PTGS1: variants seen among roughly 807,000 people sequenced by gnomAD.
The protein encoded by PTGS1 is prostaglandin G/H synthase 1.
Under a neutral mutation model 63.0 loss-of-function variants are expected in PTGS1, and 40 were observed. The observed-to-expected ratio is 0.63, with a 90% confidence interval of 0.49 to 0.83. The LOEUF is 0.83. PTGS1 is among the 40% of genes least tolerant of loss of function. PTGS1 has a pLI of 0.00. For missense variants in PTGS1, 709 were observed against 786.5 expected (o/e 0.90, Z 1.18); for synonymous variants, 298 against 301.9 (o/e 0.99, Z 0.13).
At position 122,381,466 on chromosome 9, in the gene PTGS1, G is replaced by A. The variant is rs764562846; in HGVS notation, c.592G>A (p.Ala198Thr). The A allele has an allele frequency of 5.0e-6, 8 of 1,614,186 alleles. No individual in the cohort carries two copies. In the Admixed American group the frequency reaches 5.0e-5, roughly 10 times the overall value. ...CCCCCAAGGCACCAACCTCATGTTTGCCTTCTTTGCACAACACTTCACCCA... is the reference window on the plus strand; with the variant it reads ...CCCCCAAGGCACCAACCTCATGTTTACCTTCTTTGCACAACACTTCACCCA... ...PDPQGTNLMF[A>T]FFAQHFTHQF... The change falls in exon 6 of 11, where the codon GCC becomes ACC. Residue 198 changes from alanine to threonine, a missense_variant. Physicochemically the swap from Ala to Thr is moderately conservative, Grantham distance 58. Coordinates refer to ENST00000362012, the MANE Select transcript of PTGS1 (RefSeq NM_000962.4).
At chr9:122,386,389 C>G (rs1159508697) in intron 8 of PTGS1, 57 bp from the exon 9 acceptor site, 2 of 1,572,730 alleles carry the variant, frequency 1.3e-6, no homozygotes, top group Non-Finnish European at 1.7e-6. Context: ...GCTTTCCAAG[C>G]TGGGCATCTA....
In PTGS1 at chr9:122,390,360, C is replaced by T; in HGVS notation, c.1444+15C>T. On this transcript the variant is annotated intron_variant, in intron 10 of 10. Transcript: ENST00000362012. The stretch of plus-strand genomic sequence containing the variant: ...GGAGCTCGTAGGTGAGCAGCTGTTT[C>T]CTGGATGCAGTCCCTGCCCTTGAGG... 1 of 1,613,160 alleles carries T rather than the reference C, an allele frequency of 6.2e-7. No individual in the cohort carries two copies. The highest frequency in any genetic ancestry group is 1.1e-5 in the South Asian group (1 of 90,834).
At chr9:122,371,596 C>T (rs780515108) in intron 2 of PTGS1, 14 of 1,430,516 alleles carry the variant, frequency 9.8e-6, no homozygotes, top group Non-Finnish European at 1.3e-5. Flanking sequence ...ACCCAACAAC[C>T]CCGCTGTTTC....
At chr9:122,381,326 G>C in intron 5 of PTGS1, 45 bp from the exon 6 acceptor site, 3 of 1,591,124 alleles carry the variant, frequency 1.9e-6, no homozygotes, top group Non-Finnish European at 1.7e-6. Context: ...AGGGCAGCAA[G>C]ATCCAGATAG....
intron 10 of PTGS1, 77 bp from the exon 11 acceptor site, chr9:122,392,112 C>T: frequency 7.5e-7 from 1 of 1,326,232 alleles, no homozygotes; most frequent in African/African-American, 1.5e-5. Context: ...AAAGGTGGAC[C>T]TGGAAGGGTC....
At chr9:122,370,906 A>G (rs1318330804), upstream of PTGS1, 2 of 1,036,602 alleles carry the variant, frequency 1.9e-6, no homozygotes, top group Non-Finnish European at 2.7e-6. Context: ...TAATTAATAA[A>G]ATGCCTTGGC....
chr9:122,384,921 C>T (rs1464588480), intron 8 of PTGS1, among the ~76,000 whole-genome samples: 1 of 152,204 alleles, frequency 6.6e-6, no homozygotes, highest in East Asian at 1.9e-4. Context: ...TCATTGTCTA[C>T]TTCTCTCAAC....
chr9:122,371,543 C>T, intron 2 of PTGS1: 1 of 1,387,816 alleles, frequency 7.2e-7, no homozygotes, highest in Non-Finnish European at 9.4e-7. Context: ...CCTATCCATC[C>T]CCCTCACCTG....
At chr9:122,391,043 T>C (rs1284216216) in intron 10 of PTGS1, among the ~76,000 whole-genome samples, 1 of 151,626 alleles carries the variant, frequency 6.6e-6, no homozygotes, top group Non-Finnish European at 1.5e-5. Flanking sequence ...TTGGTTTTCA[T>C]ACTAAATATT....
intron 6 of PTGS1, 35 bp from the exon 7 acceptor site, chr9:122,381,629 C>T (rs1308866463): frequency 1.9e-6 from 3 of 1,613,186 alleles, no homozygotes; most frequent in South Asian, 1.1e-5. Flanking sequence ...GGGCCGGCAC[C>T]CTGGTGACCT....
intron 7 of PTGS1, among the ~76,000 whole-genome samples, chr9:122,382,764 T>C (rs1450368932): frequency 2.6e-5 from 4 of 152,160 alleles, no homozygotes; most frequent in Non-Finnish European, 5.9e-5. Flanking sequence ...TTGGCATGTA[T>C]TTACTGAATG....
In PTGS1 at chr9:122,371,655, T is replaced by G. The variant is rs542008972; in HGVS notation, c.94+383T>G. ...AGCCGCAGGCACCAAGGGAAATGAG[T>G]TCCCTTTCTCCAGCCTCTAACCGTC... On this transcript the variant is annotated intron_variant, in intron 2 of 10. Coordinates refer to ENST00000362012, the MANE Select transcript of PTGS1 (RefSeq NM_000962.4). The G allele has an allele frequency of 7.2e-5, 104 of 1,436,804 alleles. 2 individuals carry two copies. The South Asian group carries it at 1.4e-3, about 20-fold the overall frequency. The allele number at this position is 1,436,804 out of a possible 1,614,324, so 89.0% of individuals were successfully genotyped here.
rs1339594516 is a variant in PTGS1, at chr9:122,392,674, A to G, written c.*130A>G. On this transcript the variant is annotated 3_prime_UTR_variant, in exon 11 of 11. Transcript: ENST00000362012. ...GGTGAGTGTTGGGGTTGACATTTAG[A>G]ACTTTAAGTCTCACCCATTATCTGG... The G allele has an allele frequency of 1.3e-6, 1 of 741,402 alleles. No homozygotes were observed. Among genetic ancestry groups the G allele is most frequent in the Admixed American group, 2.9e-5 (1 of 34,300 alleles). 45.9% of individuals were successfully genotyped at this position (741,402 alleles called of 1,614,324 possible).
In PTGS1 at chr9:122,371,235, C is replaced by A; in HGVS notation, c.57C>A (p.Leu19=). ...TGTTCCTGCTCCTGCTCCCGCCGCT[C>A]CCCGTCCTGCTCGCGGACCCAGGGG... ...FLLFLLLLPP[L]PVLLADPGAP... is the part of the protein sequence containing the mutation. Residue 19 remains leucine (L), a synonymous_variant, in exon 2 of 11, where the codon CTC becomes CTA. Coordinates refer to ENST00000362012, the MANE Select transcript of PTGS1 (RefSeq NM_000962.4). 6.2e-7 allele frequency: 1 copy of A among 1,607,640 alleles called. No homozygotes were observed.
chr9:122,388,335 G>A (rs1419697011), intron 9 of PTGS1, among the ~76,000 whole-genome samples: 1 of 152,136 alleles, frequency 6.6e-6, no homozygotes, highest in African/African-American at 2.4e-5. Context: ...CGACTCTCAG[G>A]ATATTAAGAA....
chr9:122,391,721 G>A (rs1225830435), intron 10 of PTGS1, among the ~76,000 whole-genome samples: 1 of 144,116 alleles, frequency 6.9e-6, no homozygotes, highest in African/African-American at 2.9e-5. Flanking sequence ...AATGGTCCCC[G>A]GGGGCAGAAG....
Position 122,383,652 on chromosome 9 carries a change from G to A in PTGS1, c.906G>A (p.Thr302=), listed in dbSNP as rs199769305. Residue 302 remains threonine (T), a synonymous_variant, in exon 8 of 11, where the codon ACG becomes ACA. Coordinates refer to ENST00000362012, the MANE Select transcript of PTGS1 (RefSeq NM_000962.4). ...TTCCTGGGCTCATGCTGTATGCCAC[G>A]CTCTGGCTACGTGAGCACAACCGTG... ...GLLPGLMLYA[T]LWLREHNRVC... The A allele has an allele frequency of 5.0e-5, 81 of 1,614,150 alleles. No homozygotes were observed. Among genetic ancestry groups the A allele is most frequent in the Non-Finnish European group, 5.8e-5 (68 of 1,180,038 alleles).
chr9:122,378,288 C>A, intron 3 of PTGS1, 145 bp from the exon 4 acceptor site: 1 of 1,174,036 alleles, frequency 8.5e-7, no homozygotes, highest in Non-Finnish European at 1.2e-6. Flanking sequence ...TGTGTCATTG[C>A]TCCCAAGGTT....
In PTGS1 at chr9:122,390,274, G is replaced by A. The variant is rs202077552; in HGVS notation, c.1373G>A (p.Arg458Gln). 1.2e-5 allele frequency: 19 copies of A among 1,614,020 alleles called. No homozygotes were observed. Among genetic ancestry groups the A allele is most frequent in the African/African-American group, 4.0e-5 (3 of 74,914 alleles). The change falls in exon 10 of 11, where the codon CGG becomes CAG. Residue 458 changes from arginine (R) to glutamine (Q), a missense_variant. Physicochemically the swap from Arg to Gln is conservative, Grantham distance 43. Transcript: ENST00000362012. ...VDVIRESREM[R>Q]LQPFNEYRKR... The stretch of plus-strand genomic sequence containing the variant: ...GTCATCAGGGAGTCTCGGGAGATGC[G>A]GCTGCAGCCCTTCAATGAGTACCGC...
Sources: allele counts gnomAD v4.1 joint callset (sites outside exome capture counted in the v4.1 genomes callset), GRCh38; gene constraint gnomAD v4.1.1; transcripts MANE v1.5; gene names NCBI Gene and HGNC (gene_info 2026-07-23, HGNC 2026-07-21).